Variants in TRMT9B observed in about 807,000 individuals in gnomAD.
TRMT9B encodes the protein probable tRNA methyltransferase 9B.
TRMT9B carries 16 observed loss-of-function variants against 11.5 expected under a neutral mutation model. The observed-to-expected ratio is 1.39, with a 90% CI of 0.94 to 2.11. The LOEUF (loss-of-function observed/expected upper bound fraction) is 2.11, where lower values mean the gene tolerates loss of function less well. Among genes scored for constraint, TRMT9B ranks in the 30% most tolerant of loss-of-function variants. TRMT9B has a pLI of 0.00. For synonymous variants in TRMT9B, 274 were observed against 192.4 expected (o/e 1.42, Z -3.51); for missense variants, 941 against 553.8 (o/e 1.70, Z -7.02).
rs553777958 is a variant in TRMT9B, at chr8:13,006,307, C to A, written c.105C>A (p.Val35=). The A allele has an allele frequency of 3.1e-6, 5 of 1,613,720 alleles. No individual in the cohort carries two copies. The African/African-American group carries it at 6.7e-5, about 22-fold the overall frequency. The change falls in exon 3 of 5, where the codon GTC becomes GTA. Residue 35 remains valine (V), a synonymous_variant. Transcript: ENST00000524591. ...TGCAGAGCAAAGCCTGGCCTCGTGT[C>A]CGCCAGTTCCTGCAAGAGCAGAAGC... The part of the protein sequence containing the change: ...SDLQSKAWPR[V]RQFLQEQKPG...
rs1373327756 is a variant in TRMT9B, at chr8:12,945,722, T to A, written c.-444T>A. On this transcript the variant is annotated 5_prime_UTR_variant, in exon 1 of 5. Coordinates refer to ENST00000524591, the MANE Select transcript of TRMT9B (RefSeq NM_020844.3). ...AGATCACACATGTATATGTCAGAAG[T>A]AGATGCACATGTTCTTTTGGCTTTT... The A allele has an allele frequency of 6.6e-6, 1 of 152,230 alleles. No homozygotes were observed. Among genetic ancestry groups the A allele is most frequent in the African/African-American group, 2.4e-5 (1 of 41,470 alleles). The allele number at this position is 152,230 out of a possible 1,614,324, so 9.4% of individuals were successfully genotyped here. A position where few individuals can be genotyped will look rare whatever the true frequency, so the allele number is the denominator to read the frequency against.
At chr8:12,968,381 G>C (rs1803117476) in intron 1 of TRMT9B, among the ~76,000 whole-genome samples, 1 of 152,186 alleles carries the variant, frequency 6.6e-6, no homozygotes, top group African/African-American at 2.4e-5. Flanking sequence ...TTGTTGTTTG[G>C]TTGGAATTGC....
At chr8:13,003,529 T>C (rs1301830143) in intron 2 of TRMT9B, among the ~76,000 whole-genome samples, 1 of 152,010 alleles carries the variant, frequency 6.6e-6, no homozygotes, top group Admixed American at 6.6e-5. Context: ...TGAGAGGGAA[T>C]GTGCCACCGC....
intron 1 of TRMT9B, among the ~76,000 whole-genome samples, chr8:12,983,838 G>C (rs747737560): frequency 6.6e-6 from 1 of 152,120 alleles, no homozygotes; most frequent in Non-Finnish European, 1.5e-5. Context: ...GAGACAGAAA[G>C]CGTGCTCTTA....
intron 4 of TRMT9B, among the ~76,000 whole-genome samples, chr8:13,017,681 T>A (rs138058288): frequency 5.2e-4 from 79 of 150,920 alleles, no homozygotes; most frequent in African/African-American, 1.7e-3. Flanking sequence ...TGGCATGATC[T>A]TGACTCACTT....
At chr8:12,994,745 G>T (rs1001775563) in intron 2 of TRMT9B, among the ~76,000 whole-genome samples, 1 of 152,086 alleles carries the variant, frequency 6.6e-6, no homozygotes. Context: ...GCAGTGGCAC[G>T]ATCTCAGCTC....
At chr8:12,948,289 G>A (rs1800364313) in intron 1 of TRMT9B, among the ~76,000 whole-genome samples, 1 of 151,784 alleles carries the variant, frequency 6.6e-6, no homozygotes, top group South Asian at 2.1e-4. Context: ...TAGTAAAAAT[G>A]AAAGACAATG....
chr8:13,022,602 A>G lies in TRMT9B; in HGVS notation c.*558A>G, dbSNP rs1006759085. 6.0e-6 allele frequency: 1 copy of G among 167,126 alleles called. No individual in the cohort carries two copies. The highest frequency in any genetic ancestry group is 1.5e-5 in the Non-Finnish European group (1 of 68,126). The allele number at this position is 167,126 out of a possible 1,614,324, so 10.4% of individuals were successfully genotyped here. On this transcript the variant is annotated 3_prime_UTR_variant, in exon 5 of 5. Transcript: ENST00000524591. ...TGAGTGACAGTGGAGAGAAACAAGA[A>G]GTTTTACAAGGACTTTACTAAATTA... is the stretch of plus-strand genomic sequence containing the variant.
Position 13,021,011 on chromosome 8 carries a change from T to C in TRMT9B, c.332T>C (p.Ile111Thr). ...GATCTAGTTTTGTCTTTTTCAGTCATACATCATTTTTCTACAAAACAAAGA... is the reference window on the plus strand; with the variant it reads ...GATCTAGTTTTGTCTTTTTCAGTCACACATCATTTTTCTACAAAACAAAGA... ...GFDAIISIGV[I>T]HHFSTKQRRI... The change falls in exon 5 of 5, where the codon ATA becomes ACA. Residue 111 changes from isoleucine (I) to threonine (T), a missense_variant. By Grantham distance (89) the Ile-to-Thr change is moderately conservative. Coordinates refer to ENST00000524591, the MANE Select transcript of TRMT9B (RefSeq NM_020844.3). 1 of 1,536,444 alleles carries C rather than the reference T, an allele frequency of 6.5e-7. No individual in the cohort carries two copies. Among genetic ancestry groups the C allele is most frequent in the Non-Finnish European group, 8.8e-7 (1 of 1,141,336 alleles).
At chr8:13,019,941 C>A (rs1519152) in intron 4 of TRMT9B, among the ~76,000 whole-genome samples, 101,520 of 152,028 alleles carry the variant, frequency 0.67, 34,968 homozygotes, top group East Asian at 0.76. Flanking sequence ...GGTTTGTGTG[C>A]TGTTGATAGG....
intron 1 of TRMT9B, among the ~76,000 whole-genome samples, chr8:12,988,022 C>G (rs1413514000): frequency 6.6e-6 from 1 of 152,212 alleles, no homozygotes; most frequent in African/African-American, 2.4e-5. Context: ...CTTCATAAGT[C>G]TGGGACCATC....
At position 13,028,699 on chromosome 8, in the gene TRMT9B, C is replaced by T. The variant is rs1024431233; in HGVS notation, c.*6655C>T. On this transcript the variant is annotated 3_prime_UTR_variant, in exon 5 of 5. Transcript: ENST00000524591. ...TAAGCAATTCTCGTGCCTCAGCCTC[C>T]TGAATAGCTGGGATTACAGGAACAT... 2.0e-5 allele frequency: 3 copies of T among 152,948 alleles called. No homozygotes were observed. Among genetic ancestry groups the T allele is most frequent in the Admixed American group, 6.6e-5 (1 of 15,210 alleles). The allele number at this position is 152,948 out of a possible 1,614,324, so 9.5% of individuals were successfully genotyped here.
intron 1 of TRMT9B, among the ~76,000 whole-genome samples, chr8:12,990,626 G>A (rs1207572080): frequency 2.0e-5 from 3 of 152,200 alleles, no homozygotes; most frequent in Non-Finnish European, 4.4e-5. Flanking sequence ...AGTATTGTAT[G>A]TTTTATAGAA....
rs1484388012 is a variant in TRMT9B, at chr8:13,024,825, ATATTTAATTTG to A, written c.*2782_*2792del. The A allele has an allele frequency of 6.0e-6, 1 of 166,974 alleles. No homozygotes were observed. Among genetic ancestry groups the A allele is most frequent in the Non-Finnish European group, 1.5e-5 (1 of 68,124 alleles). 10.3% of individuals were successfully genotyped at this position (166,974 alleles called of 1,614,324 possible). On this transcript the variant is annotated 3_prime_UTR_variant, in exon 5 of 5. Coordinates refer to ENST00000524591, the MANE Select transcript of TRMT9B (RefSeq NM_020844.3). ...CATCCAGATATTATTTTGTATACAA[ATATTTAATTTG>A]GTGATTGATAATCTCTCTTTGGGGT...
intron 1 of TRMT9B, among the ~76,000 whole-genome samples, chr8:12,965,487 C>T (rs531396116): frequency 6.6e-6 from 1 of 152,190 alleles, no homozygotes; most frequent in African/African-American, 2.4e-5. Flanking sequence ...CGTCCAGAAC[C>T]AAGGTGGCCT....
chr8:12,958,256 C>A (rs1801575328), intron 1 of TRMT9B: 1 of 152,182 alleles, frequency 6.6e-6, no homozygotes, highest in Non-Finnish European at 1.5e-5. Flanking sequence ...GGCTTGCCTC[C>A]ACCTTTTGCC....
rs1331345851 is a variant in TRMT9B at position 13,021,500 on chromosome 8, C to A, written c.821C>A (p.Thr274Lys). 1 of 1,613,598 alleles carries A rather than the reference C, an allele frequency of 6.2e-7. No individual in the cohort carries two copies. The highest frequency in any genetic ancestry group is 1.7e-5 in the Admixed American group (1 of 59,984). ...GAAAGAGTAAGACCCTTGAAAAACA[C>A]AGAAGTTTGGGCCAGTAGCACTGTA... is the stretch of plus-strand genomic sequence containing the variant. ...QIERVRPLKN[T>K]EVWASSTVTV... The change falls in exon 5 of 5, where the codon ACA becomes AAA. Residue 274 changes from threonine (T) to lysine (K), a missense_variant. Coordinates refer to ENST00000524591, the MANE Select transcript of TRMT9B (RefSeq NM_020844.3).
Position 13,021,640 on chromosome 8 carries a change from T to C in TRMT9B, c.961T>C (p.Leu321=), listed in dbSNP as rs769492875. The C allele has an allele frequency of 1.2e-6, 2 of 1,613,800 alleles. No individual in the cohort carries two copies. Among genetic ancestry groups the C allele is most frequent in the Non-Finnish European group, 1.7e-6 (2 of 1,179,758 alleles). Residue 321 remains leucine, a synonymous_variant, in exon 5 of 5, where the codon TTG becomes CTG. Coordinates refer to ENST00000524591, the MANE Select transcript of TRMT9B (RefSeq NM_020844.3). ...TGTGGAATCTTCTTCTGGAAAACAC[T>C]TGGAGTGGCTGAGAGCACCAGGCAC... ...VFVESSSGKH[L]EWLRAPGTLK...
At chr8:12,946,309 A>G (rs1227719716) in intron 1 of TRMT9B, among the ~76,000 whole-genome samples, 1 of 152,176 alleles carries the variant, frequency 6.6e-6, no homozygotes, top group African/African-American at 2.4e-5. Flanking sequence ...TAGTGTAATC[A>G]TCTAGGTGGG....
Sources: allele counts gnomAD v4.1 joint callset (sites outside exome capture counted in the v4.1 genomes callset), GRCh38; gene constraint gnomAD v4.1.1; transcripts MANE v1.5; gene names NCBI Gene and HGNC (gene_info 2026-07-23, HGNC 2026-07-21).